HS3ST5: variants seen among roughly 807,000 people sequenced by gnomAD.
The protein encoded by HS3ST5 is heparan sulfate-glucosamine 3-sulfotransferase 5, also known as heparan sulfate glucosamine 3-O-sulfotransferase 5.
A neutral mutation model predicts 25.4 loss-of-function variants in HS3ST5; 10 were observed. The ratio of observed to expected loss-of-function variants is 0.39; its 90% CI spans 0.24 to 0.67. The LOEUF (loss-of-function observed/expected upper bound fraction) is 0.67. HS3ST5 is among the 30% of genes least tolerant of loss of function. The probability of loss-of-function intolerance (pLI) is 0.44; values close to 1 mark genes in which losing one functional copy is unlikely to be tolerated. For missense variants in HS3ST5, 324 were observed against 420.7 expected, an observed-to-expected ratio of 0.77 and a Z score of 2.01; for synonymous variants, 170 against 162.4, an observed-to-expected ratio of 1.05 and a Z score of -0.36.
At chr6:114,155,643 A>G (rs770568945) in intron 3 of HS3ST5, among the ~76,000 whole-genome samples, 3 of 152,232 alleles carry the variant, frequency 2.0e-5, no homozygotes, top group Non-Finnish European at 2.9e-5. Flanking sequence ...CACTCTGTGA[A>G]GATGCAGAGT....
chr6:114,336,480 T>C (rs1436200532), intron 1 of HS3ST5, among the ~76,000 whole-genome samples: 1 of 152,166 alleles, frequency 6.6e-6, no homozygotes, highest in African/African-American at 2.4e-5. Context: ...TGGTGGCACA[T>C]GCCTGTAGTC....
At chr6:114,125,676 C>T (rs541530674) in intron 3 of HS3ST5, among the ~76,000 whole-genome samples, 1 of 152,292 alleles carries the variant, frequency 6.6e-6, no homozygotes, top group African/African-American at 2.4e-5. Context: ...CTGAGTTGAA[C>T]TCCACCTGAT....
intron 2 of HS3ST5, among the ~76,000 whole-genome samples, chr6:114,207,797 A>T (rs1781342210): frequency 6.6e-6 from 1 of 152,180 alleles, no homozygotes. Context: ...TTATACTATT[A>T]ACATACCTTA....
At position 114,057,647 on chromosome 6, in the gene HS3ST5, A is replaced by G. The variant is rs1168423777; in HGVS notation, c.651T>C (p.Pro217=). ...YYKFEKLAID[P]NTCEVNTKYK... is the part of the protein sequence containing the mutation. ...ATTTTGTGTTCACTTCGCATGTATT[A>G]GGGTCTATGGCCAGCTTCTCAAACT... is the stretch of plus-strand genomic sequence containing the variant. Residue 217 remains proline, a synonymous_variant, in exon 5 of 5, where the codon CCT becomes CCC. Coordinates refer to ENST00000312719, the MANE Select transcript of HS3ST5 (RefSeq NM_153612.4). 4 of 1,614,036 alleles carry G rather than the reference A, an allele frequency of 2.5e-6. No homozygotes were observed. Among genetic ancestry groups the G allele is most frequent in the Middle Eastern group, 1.6e-4 (1 of 6,084 alleles).
intron 3 of HS3ST5, among the ~76,000 whole-genome samples, chr6:114,099,362 T>A (rs192226461): frequency 6.6e-6 from 1 of 152,284 alleles, no homozygotes; most frequent in East Asian, 1.9e-4. Context: ...CTTCTGAAAG[T>A]TTTTGTTACA....
In HS3ST5 at chr6:114,058,398, T is replaced by C. The variant is rs572126641; in HGVS notation, c.108-208A>G. ...CATAATTGATGAATTTTTTTATTAG[T>C]GCTCCTTAAAATTTTTTATTCTCCA... On this transcript the variant is annotated intron_variant, in intron 4 of 4. Coordinates refer to ENST00000312719, the MANE Select transcript of HS3ST5 (RefSeq NM_153612.4). Among the ~76,000 whole-genome samples the C allele has an allele frequency of 1.6e-4, 25 of 152,366 alleles. No homozygotes were observed. In the East Asian group the frequency reaches 2.1e-3, roughly 13 times the overall value.
intron 1 of HS3ST5, among the ~76,000 whole-genome samples, chr6:114,250,408 C>G (rs1011380419): frequency 6.6e-6 from 1 of 151,966 alleles, no homozygotes; most frequent in African/African-American, 2.4e-5. Context: ...GGTGAAACCC[C>G]GTCTCTACTA....
At chr6:114,204,187 A>G (rs1781160139) in intron 2 of HS3ST5, among the ~76,000 whole-genome samples, 1 of 152,170 alleles carries the variant, frequency 6.6e-6, no homozygotes, top group African/African-American at 2.4e-5. Context: ...AGGGAAGGGA[A>G]AAATAACAAT....
chr6:114,058,258 A>G, intron 4 of HS3ST5, 68 bp from the exon 5 acceptor site: 1 of 1,214,440 alleles, frequency 8.2e-7, no homozygotes, highest in Non-Finnish European at 1.1e-6. Context: ...TTCCCCAGTC[A>G]GACCAAGACT....
chr6:114,192,121 G>T (rs1009479466), intron 2 of HS3ST5, among the ~76,000 whole-genome samples: 1 of 152,194 alleles, frequency 6.6e-6, no homozygotes, highest in Non-Finnish European at 1.5e-5. Context: ...CAAAATGGAT[G>T]TTATTTTGAA....
chr6:114,300,680 T>C (rs537947681), intron 1 of HS3ST5, among the ~76,000 whole-genome samples: 1 of 152,298 alleles, frequency 6.6e-6, no homozygotes, highest in African/African-American at 2.4e-5. Flanking sequence ...TAAAAACTTA[T>C]GTCCACACAC....
chr6:114,212,478 G>A (rs1781551262), intron 2 of HS3ST5, among the ~76,000 whole-genome samples: 1 of 151,910 alleles, frequency 6.6e-6, no homozygotes, highest in Non-Finnish European at 1.5e-5. Context: ...AGATCCTGGT[G>A]GAGAAAACAA....
intron 1 of HS3ST5, among the ~76,000 whole-genome samples, chr6:114,293,784 A>G (rs1774688649): frequency 6.6e-6 from 1 of 152,216 alleles, no homozygotes; most frequent in Non-Finnish European, 1.5e-5. Context: ...CCTGAGAAGA[A>G]GCAGAAAGAG....
At chr6:114,259,961 T>G (rs920062843) in intron 1 of HS3ST5, among the ~76,000 whole-genome samples, 10 of 152,140 alleles carry the variant, frequency 6.6e-5, no homozygotes, top group African/African-American at 2.4e-4. Flanking sequence ...TATGTCACAA[T>G]AAAAATGCAA....
intron 3 of HS3ST5, among the ~76,000 whole-genome samples, chr6:114,106,044 G>C (rs1244842487): frequency 6.6e-6 from 1 of 152,086 alleles, no homozygotes; most frequent in Non-Finnish European, 1.5e-5. Flanking sequence ...AATGCTCCAA[G>C]TGTTCTTTAC....
At chr6:114,146,648 C>T (rs1279870950) in intron 3 of HS3ST5, among the ~76,000 whole-genome samples, 1 of 152,146 alleles carries the variant, frequency 6.6e-6, no homozygotes, top group African/African-American at 2.4e-5. Context: ...AACTGAAATT[C>T]CCAACAGTGG....
chr6:114,244,867 A>G (rs1306013083), intron 1 of HS3ST5, among the ~76,000 whole-genome samples: 2 of 152,208 alleles, frequency 1.3e-5, no homozygotes, highest in African/African-American at 4.8e-5. Context: ...ATCACCTTAC[A>G]TTTGCTTCCA....
chr6:114,149,962 GT>G (rs1383988534), intron 3 of HS3ST5, among the ~76,000 whole-genome samples: 1 of 152,136 alleles, frequency 6.6e-6, no homozygotes, highest in Non-Finnish European at 1.5e-5. Flanking sequence ...GTTTCCCTTT[GT>G]TGGTTAGATT....
At chr6:114,069,710 T>C (rs1773686503) in intron 3 of HS3ST5, among the ~76,000 whole-genome samples, 1 of 151,822 alleles carries the variant, frequency 6.6e-6, no homozygotes, top group Non-Finnish European at 1.5e-5. Flanking sequence ...TTAGTAGAGA[T>C]GGTGTTTCAC....
Sources: allele counts gnomAD v4.1 joint callset (sites outside exome capture counted in the v4.1 genomes callset), GRCh38; gene constraint gnomAD v4.1.1; transcripts MANE v1.5; gene names NCBI Gene and HGNC (gene_info 2026-07-23, HGNC 2026-07-21).